ASTN2: variants seen among roughly 807,000 people sequenced by gnomAD.
ASTN2 encodes astrotactin-2.
ASTN2 carries 54 observed loss-of-function variants against 139.8 expected under a neutral mutation model. The ratio of observed to expected loss-of-function variants is 0.39; its 90% CI spans 0.31 to 0.48. The LOEUF (loss-of-function observed/expected upper bound fraction) is 0.48, where lower values mean the gene tolerates loss of function less well. Ranked by LOEUF, ASTN2 falls within the 20% of genes least tolerant of loss-of-function variation. The probability of loss-of-function intolerance (pLI) is 0.95; values close to 1 mark genes in which losing one functional copy is unlikely to be tolerated. For synonymous variants in ASTN2, 756 were observed against 719.5 expected, an observed-to-expected ratio of 1.05 and a Z score of -0.81; for missense variants, 1,565 against 1,725.1, an observed-to-expected ratio of 0.91 and a Z score of 1.64.
At chr9:116,805,957 A>G (rs1831019381) in intron 12 of ASTN2, 137 bp from the exon 13 acceptor site, 7 of 805,414 alleles carry the variant, frequency 8.7e-6, no homozygotes, top group South Asian at 3.6e-5. Context: ...CCTGGAATCT[A>G]TCTAGGGCAC....
chr9:116,535,017 A>G (rs993770025), intron 19 of ASTN2, among the ~76,000 whole-genome samples: 4 of 152,160 alleles, frequency 2.6e-5, no homozygotes, highest in Non-Finnish European at 5.9e-5. Flanking sequence ...TAGGTCTCTA[A>G]GGACTTGCTT....
At chr9:116,473,481 C>T (rs1233067182) in intron 20 of ASTN2, among the ~76,000 whole-genome samples, 1 of 152,186 alleles carries the variant, frequency 6.6e-6, no homozygotes, top group East Asian at 1.9e-4. Context: ...CTAGCCAGAT[C>T]CCATGTCCAA....
chr9:117,303,053 A>G (rs1289202858), intron 1 of ASTN2, among the ~76,000 whole-genome samples: 1 of 152,112 alleles, frequency 6.6e-6, no homozygotes. Context: ...ACCCTCTAAG[A>G]GCCCAGTTCA....
intron 16 of ASTN2, among the ~76,000 whole-genome samples, chr9:116,691,537 G>T (rs1189944776): frequency 6.6e-6 from 1 of 152,292 alleles, no homozygotes; most frequent in African/African-American, 2.4e-5. Flanking sequence ...TAGTAATTTA[G>T]CTAAAGTTTT....
At chr9:116,510,041 T>G (rs1480182594) in intron 19 of ASTN2, among the ~76,000 whole-genome samples, 1 of 152,248 alleles carries the variant, frequency 6.6e-6, no homozygotes, top group African/African-American at 2.4e-5. Context: ...TTGGCTTTTG[T>G]TGCCATTGCT....
chr9:116,918,395 G>A (rs1408981922), intron 10 of ASTN2, among the ~76,000 whole-genome samples: 1 of 152,086 alleles, frequency 6.6e-6, no homozygotes, highest in Non-Finnish European at 1.5e-5. Flanking sequence ...TGAGGCTGGG[G>A]GATGGAGTCA....
chr9:116,723,142 G>T (rs1319275077), intron 16 of ASTN2, among the ~76,000 whole-genome samples: 1 of 150,410 alleles, frequency 6.6e-6, no homozygotes, highest in African/African-American at 2.4e-5. Flanking sequence ...TCCAGCCTGG[G>T]TGACAGACTG....
At chr9:117,208,900 A>G (rs565771630) in intron 3 of ASTN2, among the ~76,000 whole-genome samples, 4 of 152,334 alleles carry the variant, frequency 2.6e-5, no homozygotes, top group East Asian at 3.9e-4. Context: ...TGAAGAAGAA[A>G]TAAAATCTGT....
chr9:116,571,287 G>C (rs964161028), intron 19 of ASTN2, among the ~76,000 whole-genome samples: 4 of 152,208 alleles, frequency 2.6e-5, no homozygotes, highest in Non-Finnish European at 5.9e-5. Context: ...TTGCTATCAT[G>C]ACCGAGGCAG....
rs113844499 is a variant in ASTN2 at position 117,075,082 on chromosome 9, C to G, written c.1276+20962G>C. ...AAGGTATCTAAGGGAATAACACAAT[C>G]TAACAAATGTTTTCAGAAGATGACT... On this transcript the variant is annotated intron_variant, in intron 5 of 22. Transcript: ENST00000313400. Among the ~76,000 whole-genome samples the G allele has an allele frequency of 3.8e-3, 575 of 152,320 alleles. 4 individuals are homozygous for G. Among genetic ancestry groups the G allele is most frequent in the African/African-American group, 0.013 (524 of 41,584 alleles).
intron 3 of ASTN2, among the ~76,000 whole-genome samples, chr9:117,191,227 C>CAAAAAAAAA (rs35328157): frequency 4.8e-5 from 3 of 62,482 alleles, no homozygotes; most frequent in Non-Finnish European, 6.8e-5. Context: ...TACAAAATAG[C>CAAAAAAAAA]AAAAAAAAAA....
chr9:116,987,044 T>C (rs1023259338), intron 7 of ASTN2, among the ~76,000 whole-genome samples: 5 of 152,138 alleles, frequency 3.3e-5, no homozygotes, highest in Admixed American at 1.3e-4. Flanking sequence ...TCTGCAAAAA[T>C]ACAGTTGTGC....
chr9:116,660,396 C>A (rs1366954535), intron 16 of ASTN2, among the ~76,000 whole-genome samples: 2 of 152,242 alleles, frequency 1.3e-5, no homozygotes, highest in East Asian at 3.9e-4. Flanking sequence ...AGTTTAAATT[C>A]CATCTTTTTT....
chr9:117,237,067 G>C (rs1833066799), intron 2 of ASTN2, among the ~76,000 whole-genome samples: 1 of 152,004 alleles, frequency 6.6e-6, no homozygotes, highest in African/African-American at 2.4e-5. Context: ...CATTCTTTTG[G>C]CATTTTCTAT....
intron 5 of ASTN2, among the ~76,000 whole-genome samples, chr9:117,087,564 C>T (rs1828600421): frequency 6.6e-6 from 1 of 152,136 alleles, no homozygotes; most frequent in Non-Finnish European, 1.5e-5. Context: ...AATTTTCAAG[C>T]TGGTACATTA....
At chr9:116,611,158 C>T (rs560822852) in intron 19 of ASTN2, 24 of 152,072 alleles carry the variant, frequency 1.6e-4, no homozygotes, top group East Asian at 7.7e-4. Context: ...TATTTGAAAA[C>T]GAAGTGGCAT....
chr9:117,133,820 T>C (rs777303333), intron 4 of ASTN2, among the ~76,000 whole-genome samples: 1 of 152,070 alleles, frequency 6.6e-6, no homozygotes, highest in Non-Finnish European at 1.5e-5. Flanking sequence ...AGAGTAGAAT[T>C]TGCATATTGG....
intron 5 of ASTN2, among the ~76,000 whole-genome samples, chr9:117,080,177 A>G (rs539299556): frequency 2.8e-4 from 43 of 152,238 alleles, no homozygotes; most frequent in Non-Finnish European, 5.7e-4. Flanking sequence ...TACATGCATA[A>G]TATATAACAT....
intron 19 of ASTN2, among the ~76,000 whole-genome samples, chr9:116,519,240 T>C (rs1266727946): frequency 6.6e-6 from 1 of 152,042 alleles, no homozygotes; most frequent in East Asian, 1.9e-4. Flanking sequence ...TTCTCCAAGA[T>C]AGACCATATG....
Sources: allele counts gnomAD v4.1 joint callset (sites outside exome capture counted in the v4.1 genomes callset), GRCh38; gene constraint gnomAD v4.1.1; transcripts MANE v1.5; gene names NCBI Gene and HGNC (gene_info 2026-07-23, HGNC 2026-07-21).